The following MAOB variants were observed in gnomAD, a reference collection of about 807,000 sequenced individuals.
MAOB encodes amine oxidase [flavin-containing] B.
A neutral mutation model predicts 41.9 loss-of-function variants in MAOB; 15 were observed. The observed-to-expected ratio is 0.36, with a 90% CI of 0.24 to 0.55. MAOB has a LOEUF of 0.55. MAOB is among the 20% of genes least tolerant of loss of function. MAOB has a pLI of 0.86. For missense variants in MAOB, 345 were observed against 398.7 expected (o/e 0.87, Z 1.15); for synonymous variants, 167 against 144.2 (o/e 1.16, Z -1.13).
intron 1 of MAOB, among the ~76,000 whole-genome samples, chrX:43,877,370 TA>T (rs1202771712): frequency 9.1e-6 from 1 of 110,161 alleles, no homozygotes; most frequent in Admixed American, 9.7e-5. Flanking sequence ...ATTGTGACTC[TA>T]GTGGCAACTG....
At chrX:43,812,403 T>A (rs972142273) in intron 3 of MAOB, among the ~76,000 whole-genome samples, 3 of 111,972 alleles carry the variant, frequency 2.7e-5, no homozygotes, top group Admixed American at 9.5e-5. Flanking sequence ...CATTTTTAGT[T>A]TTTTGAGGAA....
intron 1 of MAOB, among the ~76,000 whole-genome samples, chrX:43,852,585 T>C (rs1204350356): frequency 8.9e-6 from 1 of 112,026 alleles, no homozygotes; most frequent in Non-Finnish European, 1.9e-5. Context: ...TTTGAAAAAT[T>C]TCATAGTAAG....
chrX:43,863,405 G>A (rs995324277), intron 1 of MAOB, among the ~76,000 whole-genome samples: 1 of 111,462 alleles, frequency 9.0e-6, no homozygotes, highest in African/African-American at 3.3e-5. Context: ...AAAAAATCGT[G>A]TCTATACTAT....
At chrX:43,836,937 A>G (rs1347832040) in intron 3 of MAOB, among the ~76,000 whole-genome samples, 1 of 112,418 alleles carries the variant, frequency 8.9e-6, no homozygotes, top group Non-Finnish European at 1.9e-5. Flanking sequence ...CATCACTGTG[A>G]AATATCATTT....
At chrX:43,781,965 G>T (rs1452049923) in intron 8 of MAOB, among the ~76,000 whole-genome samples, 1 of 112,062 alleles carries the variant, frequency 8.9e-6, no homozygotes, top group Non-Finnish European at 1.9e-5. Flanking sequence ...CTTATTCTAA[G>T]TAGTTCTTTA....
chrX:43,839,128 A>G, intron 2 of MAOB, 123 bp from the exon 3 acceptor site: 1 of 424,763 alleles, frequency 2.4e-6, no homozygotes, highest in East Asian at 4.5e-5. Context: ...GGGTATATCC[A>G]CGAAAAACTA....
chrX:43,857,947 A>G (rs1312503170), intron 1 of MAOB, among the ~76,000 whole-genome samples: 1 of 111,805 alleles, frequency 8.9e-6, no homozygotes, highest in East Asian at 2.8e-4. Flanking sequence ...CCAACTTGTG[A>G]GAGATTTGGT....
chrX:43,771,012 C>A (rs1296310007), intron 12 of MAOB, among the ~76,000 whole-genome samples: 1 of 112,070 alleles, frequency 8.9e-6, no homozygotes, highest in East Asian at 2.8e-4. Context: ...CCATCTTAGT[C>A]AACACTGTAC....
rs766367208 is a variant in MAOB at position 43,778,748 on chromosome X, GA to G, written c.1080-10del. 2 of 1,178,112 alleles carry G rather than the reference GA, an allele frequency of 1.7e-6. No individual in the cohort carries two copies. The highest frequency in any genetic ancestry group is 3.0e-5 in the East Asian group (1 of 33,206). ...CACAAAGTTTCTTCAACCTGTGAAT[GA>G]AAAGAGACAAAAGAGAAAATAAAGG... is the stretch of plus-strand genomic sequence containing the variant. On this transcript the variant is annotated splice_polypyrimidine_tract_variant and intron_variant, in intron 10 of 14. Transcript: ENST00000378069.
intron 3 of MAOB, among the ~76,000 whole-genome samples, chrX:43,813,703 GTTCATTCA>G (rs373634990): frequency 6.3e-5 from 7 of 111,569 alleles, no homozygotes; most frequent in African/African-American, 2.0e-4. Context: ...TGTCACATCA[GTTCATTCA>G]TTCATTCATT....
At chrX:43,838,502 C>A (rs1217001338) in intron 3 of MAOB, among the ~76,000 whole-genome samples, 1 of 112,416 alleles carries the variant, frequency 8.9e-6, no homozygotes, top group Non-Finnish European at 1.9e-5. Context: ...ATACTCTTTA[C>A]AATGTGCAGT....
intron 12 of MAOB, among the ~76,000 whole-genome samples, chrX:43,772,805 G>T (rs1275868453): frequency 9.0e-6 from 1 of 110,962 alleles, no homozygotes; most frequent in Non-Finnish European, 1.9e-5. Context: ...GTGAGTTCTA[G>T]CAAGATCTGG....
intron 3 of MAOB, among the ~76,000 whole-genome samples, chrX:43,810,099 C>T (rs781622227): frequency 1.6e-4 from 16 of 101,286 alleles, no homozygotes; most frequent in African/African-American, 3.6e-4. Flanking sequence ...AAAAATTAGC[C>T]GGGCGTGGTG....
chrX:43,849,817 T>A (rs1321209153), intron 1 of MAOB, among the ~76,000 whole-genome samples: 2 of 112,808 alleles, frequency 1.8e-5, no homozygotes, highest in African/African-American at 6.5e-5. Context: ...AGTAAATAAA[T>A]AAATAAATGG....
Position 43,882,328 on chromosome X carries a change from G to A in MAOB, c.-29C>T, listed in dbSNP as rs775378965. ...GCTCGCCCCGTTCCAGGCCTCCCTG[G>A]TGCCCGCTGCTCCGTTTTCTGGGCC... On this transcript the variant is annotated 5_prime_UTR_variant, in exon 1 of 15. Transcript: ENST00000378069. 5.0e-6 allele frequency: 6 copies of A among 1,198,660 alleles called. No individual in the cohort carries two copies. The South Asian group carries it at 1.1e-4, about 22-fold the overall frequency.
intron 5 of MAOB, among the ~76,000 whole-genome samples, chrX:43,799,313 T>A (rs2034565540): frequency 8.9e-6 from 1 of 112,224 alleles, no homozygotes; most frequent in South Asian, 3.7e-4. Flanking sequence ...AAAACACATA[T>A]CCAGACGTCA....
At chrX:43,869,700 T>G (rs367942410) in intron 1 of MAOB, among the ~76,000 whole-genome samples, 128 of 112,530 alleles carry the variant, frequency 1.1e-3, no homozygotes, top group African/African-American at 4.0e-3. Context: ...TTACATCATT[T>G]TTTGAATCAC....
At chrX:43,824,070 A>G (rs1248845958) in intron 3 of MAOB, among the ~76,000 whole-genome samples, 1 of 112,351 alleles carries the variant, frequency 8.9e-6, no homozygotes, top group African/African-American at 3.2e-5. Context: ...CTCCTCTTCA[A>G]AATTATTGAA....
At position 43,778,739 on chromosome X, in the gene MAOB, C is replaced by T; in HGVS notation, c.1080G>A (p.Arg360=). The T allele has an allele frequency of 1.3e-5, 15 of 1,192,804 alleles. No individual in the cohort carries two copies. Among genetic ancestry groups the T allele is most frequent in the Non-Finnish European group, 1.7e-5 (15 of 882,321 alleles). ...RKLARLTKEE[R]LKKLCELYAK... ...CATAGAGTTCACAAAGTTTCTTCAA[C>T]CTGTGAATGAAAAGAGACAAAAGAG... Residue 360 remains arginine, a splice_region_variant and synonymous_variant, in exon 11 of 15, where the codon AGG becomes AGA. Transcript: ENST00000378069.
Sources: allele counts gnomAD v4.1 joint callset (sites outside exome capture counted in the v4.1 genomes callset), GRCh38; gene constraint gnomAD v4.1.1; transcripts MANE v1.5; gene names NCBI Gene and HGNC (gene_info 2026-07-23, HGNC 2026-07-21).